The following RIMS1 variants were observed in gnomAD, a reference collection of about 807,000 sequenced individuals.
The protein encoded by RIMS1 is regulating synaptic membrane exocytosis 1.
A neutral mutation model predicts 214.1 loss-of-function variants in RIMS1; 83 were observed. The ratio of observed to expected loss-of-function variants is 0.39; its 90% CI spans 0.32 to 0.47. RIMS1 has a LOEUF of 0.47. Among genes scored for constraint, RIMS1 ranks in the 20% least tolerant of loss-of-function variants. RIMS1 has a pLI of 0.99. For synonymous variants in RIMS1, 793 were observed against 786.8 expected (o/e 1.01, Z -0.13); for missense variants, 2,050 against 2,161.8 (o/e 0.95, Z 1.03).
intron 9 of RIMS1, among the ~76,000 whole-genome samples, chr6:72,239,501 A>C (rs1406190953): frequency 6.6e-6 from 1 of 152,238 alleles, no homozygotes; most frequent in Non-Finnish European, 1.5e-5. Context: ...ATTATAATTT[A>C]GGAACTGACT....
intron 29 of RIMS1, among the ~76,000 whole-genome samples, chr6:72,371,797 TAA>T (rs1256821993): frequency 1.3e-5 from 2 of 152,320 alleles, no homozygotes; most frequent in East Asian, 3.9e-4. Context: ...AAGCTTTTGG[TAA>T]CTTGGAGCTA....
chr6:71,919,712 G>A (rs530324598), intron 1 of RIMS1, among the ~76,000 whole-genome samples: 7 of 152,092 alleles, frequency 4.6e-5, no homozygotes, highest in Admixed American at 1.3e-4. Flanking sequence ...AGGTAGATAC[G>A]GGGCGGTGAG....
In RIMS1 at chr6:71,986,615, A is replaced by G. The variant is rs1324587908; in HGVS notation, c.245+17552A>G. On this transcript the variant is annotated intron_variant, in intron 2 of 33. Coordinates refer to ENST00000521978, the MANE Select transcript of RIMS1 (RefSeq NM_014989.7). ...GACTCTGAAGTTTCTTATTTGGGCA[A>G]TGGAGTTGATGGCACCATTAACTGA... is the stretch of plus-strand genomic sequence containing the variant. Among the ~76,000 whole-genome samples, 3 of 152,242 alleles carry G rather than the reference A, an allele frequency of 2.0e-5. No homozygotes were observed. In the East Asian group the frequency reaches 5.8e-4, roughly 29 times the overall value.
chr6:72,103,756 T>C (rs2034156670), intron 4 of RIMS1, among the ~76,000 whole-genome samples: 1 of 152,150 alleles, frequency 6.6e-6, no homozygotes. Flanking sequence ...AGCAGCTGCA[T>C]AGCAATAAAT....
At chr6:71,950,849 A>G (rs916935823) in intron 1 of RIMS1, among the ~76,000 whole-genome samples, 2 of 152,194 alleles carry the variant, frequency 1.3e-5, no homozygotes, top group African/African-American at 4.8e-5. Context: ...TTAAATTGAA[A>G]AAAAGGAAAA....
chr6:72,325,266 A>G (rs909538789), intron 28 of RIMS1, among the ~76,000 whole-genome samples: 1 of 151,786 alleles, frequency 6.6e-6, no homozygotes, highest in Non-Finnish European at 1.5e-5. Context: ...ATTTTAGCAA[A>G]TTGAATCCAG....
At chr6:72,351,614 A>T (rs953482026) in intron 29 of RIMS1, among the ~76,000 whole-genome samples, 1 of 152,192 alleles carries the variant, frequency 6.6e-6, no homozygotes, top group Non-Finnish European at 1.5e-5. Flanking sequence ...CCATTGTCAC[A>T]CAGCTAGTAA....
At chr6:71,970,345 T>A (rs1322383845) in intron 2 of RIMS1, among the ~76,000 whole-genome samples, 2 of 152,168 alleles carry the variant, frequency 1.3e-5, no homozygotes, top group Non-Finnish European at 2.9e-5. Context: ...CATAGAAAAC[T>A]TACATCCCCA....
intron 2 of RIMS1, among the ~76,000 whole-genome samples, chr6:72,094,934 A>C (rs1043172714): frequency 6.7e-6 from 1 of 150,258 alleles, no homozygotes; most frequent in Non-Finnish European, 1.5e-5. Context: ...CTTATTACTT[A>C]ATTATTATTA....
At chr6:72,016,079 C>A (rs1282201722) in intron 2 of RIMS1, among the ~76,000 whole-genome samples, 1 of 152,026 alleles carries the variant, frequency 6.6e-6, no homozygotes, top group Non-Finnish European at 1.5e-5. Context: ...TGGTTTTTAT[C>A]TTTTATTCTA....
At chr6:72,224,240 C>T (rs1431916211) in intron 6 of RIMS1, among the ~76,000 whole-genome samples, 2 of 152,126 alleles carry the variant, frequency 1.3e-5, no homozygotes, top group Admixed American at 6.5e-5. Flanking sequence ...GGAATTAATT[C>T]GTAGTTTTGT....
chr6:72,233,502 C>T (rs1020142069), intron 6 of RIMS1, among the ~76,000 whole-genome samples: 1 of 148,294 alleles, frequency 6.7e-6, no homozygotes, highest in Non-Finnish European at 1.5e-5. Context: ...GCAGATTAAC[C>T]CTGTTTTTTT....
chr6:72,319,026 A>T (rs780448351), intron 28 of RIMS1, among the ~76,000 whole-genome samples: 11 of 151,938 alleles, frequency 7.2e-5, no homozygotes, highest in Admixed American at 2.0e-4. Context: ...ATTTTTTAAA[A>T]TTTTTTTTTA....
At chr6:71,945,260 G>A (rs1374230221) in intron 1 of RIMS1, among the ~76,000 whole-genome samples, 1 of 152,138 alleles carries the variant, frequency 6.6e-6, no homozygotes, top group Non-Finnish European at 1.5e-5. Flanking sequence ...AAGACAGAAA[G>A]ACAGCTATGG....
At chr6:72,261,125 T>C (rs2077792067) in intron 19 of RIMS1, 6 of 1,172,742 alleles carry the variant, frequency 5.1e-6, no homozygotes, top group Non-Finnish European at 5.3e-6. Context: ...ACAAGAGGTC[T>C]AATCTGTGTA....
At chr6:72,007,207 C>A (rs574123768) in intron 2 of RIMS1, among the ~76,000 whole-genome samples, 1 of 152,312 alleles carries the variant, frequency 6.6e-6, no homozygotes, top group East Asian at 1.9e-4. Context: ...GATACCCAGG[C>A]AAACAGGGTC....
In RIMS1 at chr6:72,204,436, ACT is replaced by A. The variant is rs540154630; in HGVS notation, c.1678+21290_1678+21291del. On this transcript the variant is annotated intron_variant, in intron 6 of 33. Transcript: ENST00000521978. Reference sequence around the variant, plus strand: ...GTGTCTTGACACAATCACCTCTAGAACTCTGTTCTTCCTGACTGATTAGCATT... The same window carrying A: ...GTGTCTTGACACAATCACCTCTAGAACTGTTCTTCCTGACTGATTAGCATT... 2.9e-3 allele frequency among the ~76,000 whole-genome samples: 448 copies of A among 152,100 alleles called. 1 individual carries two copies. The highest frequency in any genetic ancestry group is 0.01 in the African/African-American group (431 of 41,476).
At chr6:72,128,894 A>G (rs1366532564) in intron 4 of RIMS1, among the ~76,000 whole-genome samples, 1 of 152,144 alleles carries the variant, frequency 6.6e-6, no homozygotes, top group Non-Finnish European at 1.5e-5. Context: ...TGAGGTGTTA[A>G]TTTCCTTTGT....
intron 2 of RIMS1, among the ~76,000 whole-genome samples, chr6:72,085,274 A>G (rs867692940): frequency 4.6e-5 from 7 of 152,200 alleles, no homozygotes; most frequent in Middle Eastern, 3.2e-3. Context: ...AAATTACTCA[A>G]TAACATCTGG....
Sources: gnomAD v4.1 joint callset for allele counts (sites outside exome capture counted in the v4.1 genomes callset) on GRCh38, gnomAD v4.1.1 for gene constraint, MANE v1.5 for transcripts, NCBI Gene and HGNC (gene_info 2026-07-23, HGNC 2026-07-21) for gene names.